Variants in SPOCK3 observed in about 807,000 individuals in gnomAD.
SPOCK3 encodes the protein testican-3.
In SPOCK3, 30 loss-of-function variants were observed where a neutral mutation model predicts 56.6. The observed-to-expected ratio is 0.53, with a 90% confidence interval of 0.40 to 0.72. The LOEUF (loss-of-function observed/expected upper bound fraction) is 0.72. Among genes scored for constraint, SPOCK3 ranks in the 30% least tolerant of loss-of-function variants. The pLI is 0.00. For missense variants in SPOCK3, 527 were observed against 530.0 expected, an observed-to-expected ratio of 0.99 and a Z score of 0.06; for synonymous variants, 196 against 183.3, an observed-to-expected ratio of 1.07 and a Z score of -0.56.
intron 1 of SPOCK3, 119 bp from the exon 2 acceptor site, chr4:167,234,292 G>A: frequency 1.0e-6 from 1 of 986,976 alleles, no homozygotes; most frequent in Non-Finnish European, 1.5e-6. Context: ...GGGAGGAGGA[G>A]ACAAGCAGAG....
At chr4:167,194,935 T>C (rs1041441636) in intron 2 of SPOCK3, among the ~76,000 whole-genome samples, 5 of 152,190 alleles carry the variant, frequency 3.3e-5, no homozygotes, top group African/African-American at 9.7e-5. Flanking sequence ...GATACCTGTG[T>C]TGGCAGTACT....
intron 4 of SPOCK3, among the ~76,000 whole-genome samples, chr4:166,985,084 T>C (rs749523539): frequency 9.9e-5 from 15 of 152,110 alleles, no homozygotes; most frequent in Non-Finnish European, 1.6e-4. Flanking sequence ...TTCTTTATCA[T>C]TGATAATTTC....
rs553350232 is a variant in SPOCK3, at chr4:166,986,310, C to T, written c.350+14039G>A. 3.6e-4 allele frequency among the ~76,000 whole-genome samples: 55 copies of T among 152,188 alleles called. 1 individual carries two copies. In the South Asian group the frequency reaches 8.5e-3, roughly 23 times the overall value. On this transcript the variant is annotated intron_variant, in intron 4 of 10. Coordinates refer to ENST00000357545, the MANE Select transcript of SPOCK3 (RefSeq NM_001040159.2). ...TGTTGAAGTGTTACCCATCACACCCCACTCTGACACACAGATACTTTATAA... is the reference window on the plus strand; with the variant it reads ...TGTTGAAGTGTTACCCATCACACCCTACTCTGACACACAGATACTTTATAA...
At chr4:167,100,825 C>T (rs1022523238) in intron 2 of SPOCK3, among the ~76,000 whole-genome samples, 1 of 152,112 alleles carries the variant, frequency 6.6e-6, no homozygotes, top group Non-Finnish European at 1.5e-5. Context: ...TAATCACTTG[C>T]ACATTCTAGA....
At chr4:166,952,928 T>A (rs1257245793) in intron 4 of SPOCK3, among the ~76,000 whole-genome samples, 1 of 150,640 alleles carries the variant, frequency 6.6e-6, no homozygotes, top group Non-Finnish European at 1.5e-5. Flanking sequence ...TATACAAAAA[T>A]CAATTCAAGA....
chr4:167,090,956 T>C (rs1758651397), intron 2 of SPOCK3, among the ~76,000 whole-genome samples: 1 of 152,154 alleles, frequency 6.6e-6, no homozygotes, highest in South Asian at 2.1e-4. Context: ...TAAGTAGAAA[T>C]CAGGACATAC....
chr4:166,884,363 C>CA lies in SPOCK3; in HGVS notation c.589+4766dup, dbSNP rs548135117. 2.7e-3 allele frequency among the ~76,000 whole-genome samples: 304 copies of CA among 112,082 alleles called. 2 individuals are homozygous for CA. Among genetic ancestry groups the CA allele is most frequent in the East Asian group, 8.3e-3 (33 of 3,962 alleles). The allele number at this position is 112,082 out of a possible 152,430, so 73.5% of individuals were successfully genotyped here. ...CGAGACTCCATCTCAACAACAACAA[C>CA]AAAAAAAAAAATGAAAAAAAAAATG... is the stretch of plus-strand genomic sequence containing the variant. On this transcript the variant is annotated intron_variant, in intron 6 of 10. Transcript: ENST00000357545.
At chr4:167,161,035 T>G (rs868802368) in intron 2 of SPOCK3, among the ~76,000 whole-genome samples, 1 of 151,888 alleles carries the variant, frequency 6.6e-6, no homozygotes, top group Non-Finnish European at 1.5e-5. Flanking sequence ...AAAGACAAAA[T>G]TGACAAATGG....
intron 4 of SPOCK3, among the ~76,000 whole-genome samples, chr4:166,932,022 T>C (rs115267283): frequency 8.5e-5 from 13 of 152,322 alleles, no homozygotes; most frequent in East Asian, 5.8e-4. Flanking sequence ...AGAATTGTGA[T>C]GTTTTCTAAG....
intron 7 of SPOCK3, among the ~76,000 whole-genome samples, chr4:166,791,217 T>C (rs1351508941): frequency 6.6e-5 from 10 of 152,210 alleles, no homozygotes; most frequent in African/African-American, 2.4e-4. Context: ...GATTCATAAC[T>C]AAAATAGATT....
intron 2 of SPOCK3, among the ~76,000 whole-genome samples, chr4:167,130,934 A>T (rs1293539618): frequency 6.6e-6 from 1 of 152,096 alleles, no homozygotes; most frequent in Non-Finnish European, 1.5e-5. Flanking sequence ...TAGCTTAGAG[A>T]TGTCATTCAT....
At chr4:167,011,128 C>T (rs1750008024) in intron 3 of SPOCK3, 1 of 277,492 alleles carries the variant, frequency 3.6e-6, no homozygotes, top group African/African-American at 2.2e-5. Context: ...TTAGATTGGA[C>T]TTATAAAAAC....
intron 4 of SPOCK3, among the ~76,000 whole-genome samples, chr4:166,925,907 A>G (rs73861906): frequency 6.6e-6 from 1 of 152,312 alleles, no homozygotes; most frequent in African/African-American, 2.4e-5. Flanking sequence ...AAGCTTATTT[A>G]CCAGTTTCTG....
intron 3 of SPOCK3, among the ~76,000 whole-genome samples, chr4:167,027,088 A>T (rs574060703): frequency 6.6e-6 from 1 of 152,044 alleles, no homozygotes; most frequent in Non-Finnish European, 1.5e-5. Flanking sequence ...TTCCTAATTT[A>T]TCCTTGACAT....
At chr4:166,883,243 A>G (rs947007206) in intron 6 of SPOCK3, 1 of 152,154 alleles carries the variant, frequency 6.6e-6, no homozygotes, top group African/African-American at 2.4e-5. Flanking sequence ...TTGTTTCTTG[A>G]TAGGGTTCCA....
chr4:166,830,536 G>A (rs1238927648), intron 6 of SPOCK3, among the ~76,000 whole-genome samples: 2 of 152,102 alleles, frequency 1.3e-5, no homozygotes, highest in East Asian at 1.9e-4. Flanking sequence ...CTTGAGGCCA[G>A]GAGTTCAACA....
intron 2 of SPOCK3, among the ~76,000 whole-genome samples, chr4:167,213,282 A>C (rs903066243): frequency 3.3e-5 from 5 of 152,174 alleles, no homozygotes; most frequent in African/African-American, 7.2e-5. Context: ...TTTGTGCAAA[A>C]ACAGATGCAA....
chr4:167,165,173 A>C (rs756998935), intron 2 of SPOCK3, among the ~76,000 whole-genome samples: 7 of 152,150 alleles, frequency 4.6e-5, no homozygotes, highest in Non-Finnish European at 1.0e-4. Context: ...TGACTAAATC[A>C]CTAAAAACAA....
At chr4:166,862,213 T>C (rs1373859053) in intron 6 of SPOCK3, among the ~76,000 whole-genome samples, 1 of 152,004 alleles carries the variant, frequency 6.6e-6, no homozygotes, top group African/African-American at 2.4e-5. Context: ...TAATTAAATT[T>C]AGAAAAAGCA....
Sources: allele counts gnomAD v4.1 joint callset (sites outside exome capture counted in the v4.1 genomes callset), GRCh38; gene constraint gnomAD v4.1.1; transcripts MANE v1.5; gene names NCBI Gene and HGNC (gene_info 2026-07-23, HGNC 2026-07-21).